Variants in IGSF11 observed in about 807,000 individuals in gnomAD.
IGSF11 encodes the protein immunoglobulin superfamily member 11, also known as CXADR like 1.
IGSF11 carries 22 observed loss-of-function variants against 41.0 expected under a neutral mutation model. That is an observed-to-expected ratio of 0.54 (90% CI 0.38 to 0.77). The LOEUF is 0.77. Among genes scored for constraint, IGSF11 ranks in the 30% least tolerant of loss-of-function variants. The probability of loss-of-function intolerance (pLI) is 0.00; values close to 1 mark genes in which losing one functional copy is unlikely to be tolerated. For synonymous variants in IGSF11, 219 were observed against 201.3 expected, an observed-to-expected ratio of 1.09 and a Z score of -0.74; for missense variants, 444 against 530.8, an observed-to-expected ratio of 0.84 and a Z score of 1.61.
chr3:118,902,553 T>G lies in IGSF11; in HGVS notation c.1263A>C (p.Val421=). The G allele has an allele frequency of 6.4e-7, 1 of 1,564,918 alleles. No homozygotes were observed. The highest frequency in any genetic ancestry group is 8.7e-7 in the Non-Finnish European group (1 of 1,149,650). Residue 421 remains valine (V), a synonymous_variant, in exon 7 of 7, where the codon GTA becomes GTC. Coordinates refer to ENST00000393775, the MANE Select transcript of IGSF11 (RefSeq NM_001015887.3). The part of the protein sequence containing the change: ...LERIGAVPVM[V]PAQSRAGSLV Reference sequence around the variant, plus strand: ...AGGACCCGGCCCGACTCTGGGCTGGTACCATGACAGGTACTGCACCAATTC... The same window carrying G: ...AGGACCCGGCCCGACTCTGGGCTGGGACCATGACAGGTACTGCACCAATTC...
chr3:119,075,125 C>T (rs981575807), intron 1 of IGSF11, among the ~76,000 whole-genome samples: 2 of 152,050 alleles, frequency 1.3e-5, no homozygotes, highest in African/African-American at 2.4e-5. Context: ...CAAATAGACA[C>T]AATCAGAAAT....
intron 1 of IGSF11, among the ~76,000 whole-genome samples, chr3:119,000,528 T>C (rs1936711395): frequency 1.1e-5 from 1 of 93,748 alleles, no homozygotes; most frequent in African/African-American, 7.0e-5. Flanking sequence ...TTGACTATTC[T>C]TTTTTTTTTT....
upstream of IGSF11, among the ~76,000 whole-genome samples, chr3:119,108,375 T>C: frequency 6.9e-6 from 1 of 144,072 alleles, no homozygotes; most frequent in Admixed American, 7.0e-5. Flanking sequence ...TCACTCATGA[T>C]TTGGCTCTCT....
chr3:119,021,337 A>G (rs1939267702), intron 1 of IGSF11, among the ~76,000 whole-genome samples: 1 of 152,214 alleles, frequency 6.6e-6, no homozygotes, highest in African/African-American at 2.4e-5. Context: ...GTAAAAGGAT[A>G]TGACAGTGAT....
intron 1 of IGSF11, among the ~76,000 whole-genome samples, chr3:119,053,252 C>T (rs1941697881): frequency 6.6e-6 from 1 of 152,112 alleles, no homozygotes; most frequent in Non-Finnish European, 1.5e-5. Flanking sequence ...AGATCATATA[C>T]TTAGAAAACC....
intron 1 of IGSF11, among the ~76,000 whole-genome samples, chr3:119,094,631 G>T (rs764170923): frequency 6.6e-6 from 1 of 151,590 alleles, no homozygotes; most frequent in African/African-American, 2.4e-5. Flanking sequence ...ACCAAAGTAG[G>T]GTAGGTGAAC....
rs139011315 is a variant in IGSF11, at chr3:118,927,429, G to A, written c.424+1080C>T. On this transcript the variant is annotated intron_variant, in intron 3 of 6. Transcript: ENST00000393775. The stretch of plus-strand genomic sequence containing the variant: ...TTAATTCCATTAGTACACTATACTC[G>A]GTACTCAGAGTATTTTATAATCTAT... Among the ~76,000 whole-genome samples the A allele has an allele frequency of 1.3e-4, 20 of 152,150 alleles. No individual in the cohort carries two copies. The East Asian group carries it at 2.3e-3, about 18-fold the overall frequency.
At chr3:118,952,441 A>G (rs988283225) in intron 1 of IGSF11, among the ~76,000 whole-genome samples, 14 of 152,166 alleles carry the variant, frequency 9.2e-5, no homozygotes, top group African/African-American at 3.4e-4. Context: ...ATCTAAGTTG[A>G]TATGATATTC....
At chr3:119,123,982 T>A (rs1280981452) in intron 1 of IGSF11, among the ~76,000 whole-genome samples, 2 of 152,116 alleles carry the variant, frequency 1.3e-5, no homozygotes, top group African/African-American at 4.8e-5. Context: ...CAACACCATC[T>A]GGGAAAACAT....
intron 1 of IGSF11, among the ~76,000 whole-genome samples, chr3:119,132,667 A>T (rs2077501784): frequency 6.6e-6 from 1 of 151,974 alleles, no homozygotes; most frequent in South Asian, 2.1e-4. Flanking sequence ...GATCAATGAG[A>T]CAGGTTAACA....
intron 1 of IGSF11, among the ~76,000 whole-genome samples, chr3:119,131,697 A>G (rs888972458): frequency 6.6e-6 from 1 of 152,190 alleles, no homozygotes; most frequent in Non-Finnish European, 1.5e-5. Flanking sequence ...GGAAATACAG[A>G]GAACACCACA....
Position 118,904,725 on chromosome 3 carries a change from T to C in IGSF11, c.777A>G (p.Ala259=). Residue 259 remains alanine, a synonymous_variant, in exon 6 of 7, where the codon GCA becomes GCG. Coordinates refer to ENST00000393775, the MANE Select transcript of IGSF11 (RefSeq NM_001015887.3). ...TGAVIIIFCI[A]LILGAFFYWR... ...AGTAAAAGAATGCCCCTAAAATTAG[T>C]GCAATGCAAAAAATGATAATAACTG... 2 of 1,613,310 alleles carry C rather than the reference T, an allele frequency of 1.2e-6. No individual in the cohort carries two copies. Among genetic ancestry groups the C allele is most frequent in the Non-Finnish European group, 1.7e-6 (2 of 1,179,412 alleles).
intron 1 of IGSF11, among the ~76,000 whole-genome samples, chr3:118,948,747 C>G (rs1227412096): frequency 6.6e-6 from 1 of 151,968 alleles, no homozygotes; most frequent in Non-Finnish European, 1.5e-5. Context: ...AGGCAGATCA[C>G]GAGGTCAGGA....
chr3:119,005,397 T>C (rs1209034517), intron 1 of IGSF11, among the ~76,000 whole-genome samples: 1 of 151,026 alleles, frequency 6.6e-6, no homozygotes, highest in Non-Finnish European at 1.5e-5. Context: ...AGCACACTGA[T>C]GGGTCTTGAC....
intron 1 of IGSF11, among the ~76,000 whole-genome samples, chr3:119,074,084 C>T (rs1255717625): frequency 1.3e-5 from 2 of 152,202 alleles, no homozygotes; most frequent in African/African-American, 4.8e-5. Flanking sequence ...TTCAACACCA[C>T]ACTGACCATA....
intron 1 of IGSF11, among the ~76,000 whole-genome samples, chr3:119,083,458 T>A (rs1398922384): frequency 5.9e-5 from 9 of 151,788 alleles, no homozygotes; most frequent in Non-Finnish European, 8.8e-5. Flanking sequence ...CTCCTGGGAA[T>A]AACTGACCTA....
rs556713725 is a variant in IGSF11, at chr3:118,995,699, C to G, written c.52+38832G>C. 3.3e-5 allele frequency among the ~76,000 whole-genome samples: 5 copies of G among 152,244 alleles called. No individual in the cohort carries two copies. In the South Asian group the frequency reaches 1.0e-3, roughly 32 times the overall value. On this transcript the variant is annotated intron_variant, in intron 1 of 6. Transcript: ENST00000393775. Reference sequence around the variant, plus strand: ...ACAGAGTCTCGCTCTGTTGCCCAAGCTGGAGTGCAATGGCATGATCTCAGC... The same window carrying G: ...ACAGAGTCTCGCTCTGTTGCCCAAGGTGGAGTGCAATGGCATGATCTCAGC...
At chr3:119,110,308 C>T (rs1410770242) in intron 1 of IGSF11, among the ~76,000 whole-genome samples, 2 of 151,848 alleles carry the variant, frequency 1.3e-5, no homozygotes, top group African/African-American at 2.4e-5. Flanking sequence ...GGATAGTTAG[C>T]TCTTCTTGTT....
intron 6 of IGSF11, among the ~76,000 whole-genome samples, chr3:118,904,135 C>G (rs1358450043): frequency 1.3e-5 from 2 of 152,152 alleles, no homozygotes; most frequent in Non-Finnish European, 2.9e-5. Flanking sequence ...CCCGAACCCT[C>G]AAATCTCCCC....
Sources: gnomAD v4.1 joint callset for allele counts (sites outside exome capture counted in the v4.1 genomes callset) on GRCh38, gnomAD v4.1.1 for gene constraint, MANE v1.5 for transcripts, NCBI Gene and HGNC (gene_info 2026-07-23, HGNC 2026-07-21) for gene names.